The following METTL8 variants were observed in gnomAD, a reference collection of about 807,000 sequenced individuals.
METTL8 encodes methyltransferase 8, tRNA N3-cytidine.
Under a neutral mutation model 48.7 loss-of-function variants are expected in METTL8, and 32 were observed. The observed-to-expected ratio is 0.66, with a 90% CI of 0.50 to 0.88. The LOEUF (loss-of-function observed/expected upper bound fraction) is 0.88, where lower values mean the gene tolerates loss of function less well. METTL8 is among the 40% of genes least tolerant of loss of function. The pLI is 0.00. For missense variants in METTL8, 464 were observed against 474.4 expected, an observed-to-expected ratio of 0.98 and a Z score of 0.20; for synonymous variants, 136 against 157.1, an observed-to-expected ratio of 0.87 and a Z score of 1.01.
intron 1 of METTL8, among the ~76,000 whole-genome samples, chr2:171,423,845 A>G (rs1421926833): frequency 6.6e-6 from 1 of 152,226 alleles, no homozygotes; most frequent in African/African-American, 2.4e-5. Flanking sequence ...AGTAACAAGG[A>G]GCCAAATGCT....
At chr2:171,426,665 T>C (rs779056404) in intron 1 of METTL8, among the ~76,000 whole-genome samples, 1 of 152,366 alleles carries the variant, frequency 6.6e-6, no homozygotes, top group East Asian at 1.9e-4. Context: ...TATGCATTAA[T>C]ATACTGTGTG....
intron 1 of METTL8, among the ~76,000 whole-genome samples, chr2:171,421,247 C>G (rs1691842401): frequency 6.6e-6 from 1 of 152,126 alleles, no homozygotes. Context: ...TTTTCATATA[C>G]TAGCAAACAT....
chr2:171,427,109 C>T (rs529662784), intron 1 of METTL8, among the ~76,000 whole-genome samples: 14 of 152,258 alleles, frequency 9.2e-5, no homozygotes, highest in African/African-American at 3.1e-4. Flanking sequence ...GAATATTTAT[C>T]GTGGTTCTGT....
At chr2:171,352,278 T>C (rs1684020703) in intron 3 of METTL8, among the ~76,000 whole-genome samples, 1 of 152,218 alleles carries the variant, frequency 6.6e-6, no homozygotes, top group Non-Finnish European at 1.5e-5. Context: ...GATTTGTGTA[T>C]GTTGAACCAG....
At chr2:171,422,921 T>C (rs150078009) in intron 1 of METTL8, among the ~76,000 whole-genome samples, 2,936 of 152,326 alleles carry the variant, frequency 0.019, 51 homozygotes, top group Non-Finnish European at 0.029. Context: ...GTGCATAATA[T>C]GGTTTGGTTG....
chr2:171,371,753 T>G (rs551276638), intron 2 of METTL8, among the ~76,000 whole-genome samples: 3 of 152,184 alleles, frequency 2.0e-5, no homozygotes, highest in Admixed American at 2.0e-4. Flanking sequence ...GGCCTCAGCC[T>G]CCTGAGTAGC....
chr2:171,372,820 T>A (rs1487626227), intron 2 of METTL8, among the ~76,000 whole-genome samples: 1 of 152,234 alleles, frequency 6.6e-6, no homozygotes, highest in Non-Finnish European at 1.5e-5. Flanking sequence ...AACTCATCTT[T>A]TTTTATGGCT....
intron 1 of METTL8, among the ~76,000 whole-genome samples, chr2:171,406,336 C>T (rs988565508): frequency 6.6e-6 from 1 of 152,198 alleles, no homozygotes; most frequent in African/African-American, 2.4e-5. Flanking sequence ...GCTTTTTCAA[C>T]AGCCCCAAAG....
chr2:171,344,234 T>G (rs1372211119), intron 3 of METTL8, among the ~76,000 whole-genome samples: 2 of 152,240 alleles, frequency 1.3e-5, no homozygotes, highest in Non-Finnish European at 2.9e-5. Flanking sequence ...CAGATAGATT[T>G]TATTATTCCA....
At chr2:171,411,226 A>G (rs1690716815) in intron 1 of METTL8, among the ~76,000 whole-genome samples, 1 of 152,256 alleles carries the variant, frequency 6.6e-6, no homozygotes. Flanking sequence ...TTCTCACCAA[A>G]TCATCTATAA....
At chr2:171,397,765 T>C (rs572379286) in intron 1 of METTL8, among the ~76,000 whole-genome samples, 1 of 152,192 alleles carries the variant, frequency 6.6e-6, no homozygotes, top group South Asian at 2.1e-4. Context: ...CTTACAGACA[T>C]TGAAAAGCTA....
chr2:171,394,431 A>C (rs1559167253), intron 1 of METTL8, among the ~76,000 whole-genome samples: 1 of 152,104 alleles, frequency 6.6e-6, no homozygotes. Context: ...ACTATAAATG[A>C]CCAAGAGCCT....
intron 5 of METTL8, 28 bp from the exon 6 acceptor site, chr2:171,331,895 A>AT (rs1332190710): frequency 1.3e-6 from 2 of 1,525,090 alleles, no homozygotes; most frequent in Non-Finnish European, 8.9e-7. Flanking sequence ...ATATTTATTT[A>AT]TTTTTTTGGA....
intron 3 of METTL8, among the ~76,000 whole-genome samples, chr2:171,354,802 A>C (rs12989392): frequency 0.21 from 31,860 of 152,102 alleles, 3,583 homozygotes; most frequent in Non-Finnish European, 0.25. Context: ...CATGGTTTTC[A>C]GCTCCATCAG....
At chr2:171,379,726 C>A (rs1251630284) in intron 2 of METTL8, among the ~76,000 whole-genome samples, 1 of 152,142 alleles carries the variant, frequency 6.6e-6, no homozygotes, top group Non-Finnish European at 1.5e-5. Context: ...CTTGAATAGA[C>A]CAATAACAAG....
chr2:171,434,738 C>T (rs1022289791), upstream of METTL8: 7 of 1,394,988 alleles, frequency 5.0e-6, no homozygotes, highest in Non-Finnish European at 6.4e-6. Context: ...GACGGAGGGC[C>T]GCGGGCGCGC....
chr2:171,404,050 C>A (rs1158602148), intron 1 of METTL8, among the ~76,000 whole-genome samples: 1 of 45,438 alleles, frequency 2.2e-5, no homozygotes, highest in Non-Finnish European at 4.2e-5. Flanking sequence ...ACTATGCTTT[C>A]TCATATATAT....
chr2:171,322,868 A>C lies in METTL8; in HGVS notation c.*1304T>G, dbSNP rs552560750. 7 of 152,272 alleles carry C rather than the reference A, an allele frequency of 4.6e-5. No individual in the cohort carries two copies. Among genetic ancestry groups the C allele is most frequent in the African/African-American group, 1.7e-4 (7 of 41,532 alleles). 9.4% of individuals were successfully genotyped at this position (152,272 alleles called of 1,614,324 possible). A position where few individuals can be genotyped will look rare whatever the true frequency, so the allele number is the denominator to read the frequency against. ...TGATTATATGCTACACAAGGGGTGG[A>C]TTATTCAGGCCTCCCCTTTGTAGAC... On this transcript the variant is annotated 3_prime_UTR_variant, in exon 10 of 10. Coordinates refer to ENST00000375258, the MANE Select transcript of METTL8 (RefSeq NM_001321154.2).
intron 2 of METTL8, among the ~76,000 whole-genome samples, chr2:171,375,459 T>C (rs184777915): frequency 6.6e-6 from 1 of 152,192 alleles, no homozygotes; most frequent in African/African-American, 2.4e-5. Flanking sequence ...TTCCTCTACA[T>C]CCTTATCAAC....
Sources: allele counts gnomAD v4.1 joint callset (sites outside exome capture counted in the v4.1 genomes callset), GRCh38; gene constraint gnomAD v4.1.1; transcripts MANE v1.5; gene names NCBI Gene and HGNC (gene_info 2026-07-23, HGNC 2026-07-21).